SMG1: variants seen among roughly 807,000 people sequenced by gnomAD.
The protein encoded by SMG1 is SMG1 nonsense mediated mRNA decay associated PI3K related kinase.
In SMG1, 22 loss-of-function variants were observed where a neutral mutation model predicts 419.9. The observed-to-expected ratio is 0.05, with a 90% confidence interval of 0.04 to 0.07. The LOEUF is 0.07. SMG1 is among the 10% of genes least tolerant of loss of function. SMG1 has a pLI of 1.00. For synonymous variants in SMG1, 1,538 were observed against 1,553.5 expected, an observed-to-expected ratio of 0.99 and a Z score of 0.23; for missense variants, 3,185 against 4,342.0, an observed-to-expected ratio of 0.73 and a Z score of 7.49.
At chr16:18,845,817 T>C (rs2034228229) in intron 38 of SMG1, among the ~76,000 whole-genome samples, 166 bp from the exon 39 acceptor site, 1 of 151,780 alleles carries the variant, frequency 6.6e-6, no homozygotes, top group Admixed American at 6.5e-5. Context: ...AAAGAATTTT[T>C]GGTTTTGTTT....
intron 56 of SMG1, among the ~76,000 whole-genome samples, chr16:18,818,697 G>A (rs2032240561): frequency 6.6e-6 from 1 of 152,142 alleles, no homozygotes; most frequent in African/African-American, 2.4e-5. Flanking sequence ...ACTGGCGACA[G>A]GTATGAAGTA....
At chr16:18,874,918 T>C (rs1334514917) in intron 13 of SMG1, among the ~76,000 whole-genome samples, 2 of 127,388 alleles carry the variant, frequency 1.6e-5, no homozygotes, top group East Asian at 2.1e-4. Context: ...TTTTTTTTTT[T>C]TCCCCTAAAA....
chr16:18,920,787 C>A (rs899480820), intron 1 of SMG1, among the ~76,000 whole-genome samples: 6 of 151,802 alleles, frequency 4.0e-5, no homozygotes, highest in African/African-American at 1.5e-4. Flanking sequence ...CTGCAGTGAG[C>A]TGAGATGGTT....
chr16:18,910,451 G>A (rs537017580), intron 1 of SMG1, among the ~76,000 whole-genome samples: 14 of 151,726 alleles, frequency 9.2e-5, no homozygotes, highest in East Asian at 7.8e-4. Context: ...GGCTGCTCTC[G>A]AATTTCTGAT....
chr16:18,883,243 G>A (rs571664785), intron 9 of SMG1, among the ~76,000 whole-genome samples: 1 of 152,320 alleles, frequency 6.6e-6, no homozygotes, highest in East Asian at 1.9e-4. Flanking sequence ...GTTAAGCCAC[G>A]ACAGTGGGGC....
Position 18,815,458 on chromosome 16 carries a change from A to C in SMG1, c.10496T>G (p.Leu3499Arg). ...LQEITPTLKELKTQSQSIYNN... is the reference protein window; with the variant it reads ...LQEITPTLKERKTQSQSIYNN... Reference sequence around the variant, plus strand: ...TTCTTACCTCTGACTTTGTGTTTTCAGTTCTTTCAAGGTGGGAGTGATTTC... The same window carrying C: ...TTCTTACCTCTGACTTTGTGTTTTCCGTTCTTTCAAGGTGGGAGTGATTTC... The change falls in exon 59 of 63, where the codon CTG becomes CGG. Residue 3499 changes from leucine to arginine, a missense_variant. Coordinates refer to ENST00000446231, the MANE Select transcript of SMG1 (RefSeq NM_015092.5). 6.2e-7 allele frequency: 1 copy of C among 1,613,970 alleles called. No individual in the cohort carries two copies. Among genetic ancestry groups the C allele is most frequent in the Non-Finnish European group, 8.5e-7 (1 of 1,179,860 alleles).
chr16:18,904,724 C>G (rs141958046), intron 1 of SMG1, among the ~76,000 whole-genome samples: 2 of 151,746 alleles, frequency 1.3e-5, no homozygotes, highest in Non-Finnish European at 2.9e-5. Flanking sequence ...ATCATGACGT[C>G]AGGAGTTCAA....
rs1035911538 is a variant in SMG1 at position 18,926,329 on chromosome 16, C to G, written c.-288G>C. 1 of 385,458 alleles carries G rather than the reference C, an allele frequency of 2.6e-6. No individual in the cohort carries two copies. Among genetic ancestry groups the G allele is most frequent in the African/African-American group, 2.1e-5 (1 of 47,198 alleles). 23.9% of individuals were successfully genotyped at this position (385,458 alleles called of 1,614,324 possible). On this transcript the variant is annotated 5_prime_UTR_variant, in exon 1 of 63. Coordinates refer to ENST00000446231, the MANE Select transcript of SMG1 (RefSeq NM_015092.5). ...ACGTCTTTTCCAGGGCCGTGCGCGG[C>G]CCACGTCGCCGGGGCCCCGGAGGAC... is the stretch of plus-strand genomic sequence containing the variant.
At chr16:18,916,181 T>TA (rs1333395857) in intron 1 of SMG1, among the ~76,000 whole-genome samples, 1 of 143,962 alleles carries the variant, frequency 6.9e-6, no homozygotes, top group Non-Finnish European at 1.5e-5. Flanking sequence ...GAATTCAATC[T>TA]AAAAAGGAAA....
At chr16:18,913,237 A>G (rs2037855338) in intron 1 of SMG1, among the ~76,000 whole-genome samples, 1 of 152,156 alleles carries the variant, frequency 6.6e-6, no homozygotes, top group Non-Finnish European at 1.5e-5. Context: ...AAGTGTTAAC[A>G]CTTCAGACAA....
intron 48 of SMG1, 82 bp downstream of exon 48, chr16:18,835,851 A>G: frequency 7.2e-7 from 1 of 1,382,162 alleles, no homozygotes; most frequent in Non-Finnish European, 9.8e-7. Flanking sequence ...GTGAGCCAAG[A>G]TCATGCCACC....
chr16:18,838,030 C>G lies in SMG1; in HGVS notation c.7397G>C (p.Arg2466Thr). The G allele has an allele frequency of 1.2e-6, 2 of 1,613,930 alleles. No homozygotes were observed. Among genetic ancestry groups the G allele is most frequent in the Non-Finnish European group, 1.7e-6 (2 of 1,179,882 alleles). Residue 2466 changes from arginine to threonine, a missense_variant, in exon 45 of 63, where the codon AGA becomes ACA. Arg to Thr is a moderately conservative substitution (Grantham distance 71, BLOSUM62 -1). Transcript: ENST00000446231. ...REITRSLFSS[R>T]VAEIKVNWFK... is the part of the protein sequence containing the mutation. ...GGGCTTCACCTTAATCTCAGCTACT[C>G]TAGAAGAAAACAGGCTGCGGGTGAT... is the stretch of plus-strand genomic sequence containing the variant.
At chr16:18,910,754 C>G (rs142233245) in intron 1 of SMG1, among the ~76,000 whole-genome samples, 1 of 152,214 alleles carries the variant, frequency 6.6e-6, no homozygotes, top group African/African-American at 2.4e-5. Context: ...TCCACCCCCT[C>G]AAGTACTTAA....
At position 18,858,305 on chromosome 16, in the gene SMG1, C is replaced by A. The variant is rs745532148; in HGVS notation, c.4114-15G>T. ...ATAAGACAGTCCTGCCAGAGAAAAA[C>A]CAAAATTACTCAACATAAAACAGGC... On this transcript the variant is annotated splice_polypyrimidine_tract_variant and intron_variant, in intron 28 of 62. Transcript: ENST00000446231. The A allele has an allele frequency of 8.9e-6, 14 of 1,576,808 alleles. No homozygotes were observed. The highest frequency in any genetic ancestry group is 1.0e-5 in the Non-Finnish European group (12 of 1,169,196).
intron 48 of SMG1, among the ~76,000 whole-genome samples, chr16:18,835,476 CA>C (rs1186117331): frequency 9.2e-5 from 14 of 151,982 alleles, no homozygotes; most frequent in Non-Finnish European, 1.5e-4. Context: ...TCCATCTCTA[CA>C]AAAAAATATA....
rs776701107 is a variant in SMG1 at position 18,815,239 on chromosome 16, G to A, written c.10557C>T (p.Thr3519=). ...GACTCGAACATTCATTTGTTGCATC[G>A]GTGACTAAGGGTGATGCAAAACTCA... The part of the protein sequence containing the change: ...NLVSFASPLV[T]DATNECSSPT... Residue 3519 remains threonine, a synonymous_variant, in exon 60 of 63, where the codon ACC becomes ACT. Transcript: ENST00000446231. The A allele has an allele frequency of 2.3e-5, 37 of 1,592,094 alleles. No homozygotes were observed. The highest frequency in any genetic ancestry group is 1.6e-4 in the South Asian group (14 of 87,456).
At chr16:18,855,049 T>C (rs1001254626) in intron 29 of SMG1, 145 bp from the exon 30 acceptor site, 1 of 723,002 alleles carries the variant, frequency 1.4e-6, no homozygotes, top group African/African-American at 1.8e-5. Flanking sequence ...CCCTAGCAGC[T>C]AGCACAGTGC....
chr16:18,814,874 G>A (rs1038364882), intron 60 of SMG1, among the ~76,000 whole-genome samples: 2 of 125,902 alleles, frequency 1.6e-5, no homozygotes, highest in South Asian at 2.7e-4. Context: ...CACCTCGCCC[G>A]GCCTTTTTTT....
At chr16:18,860,242 A>G (rs1271963442) in intron 26 of SMG1, among the ~76,000 whole-genome samples, 1 of 152,198 alleles carries the variant, frequency 6.6e-6, no homozygotes, top group Admixed American at 6.5e-5. Context: ...TCGGTAAGTC[A>G]ATCTACTATT....
Sources: gnomAD v4.1 joint callset for allele counts (sites outside exome capture counted in the v4.1 genomes callset) on GRCh38, gnomAD v4.1.1 for gene constraint, MANE v1.5 for transcripts, NCBI Gene and HGNC (gene_info 2026-07-23, HGNC 2026-07-21) for gene names.